The following DAB1 variants were observed in gnomAD, a reference collection of about 807,000 sequenced individuals.
DAB1 encodes DAB adaptor protein 1, also known as disabled homolog 1.
A neutral mutation model predicts 64.6 loss-of-function variants in DAB1; 15 were observed. That is an observed-to-expected ratio of 0.23 (90% CI 0.16 to 0.36). DAB1 has a LOEUF of 0.36. Ranked by LOEUF, DAB1 falls within the 10% of genes least tolerant of loss-of-function variation. The probability of loss-of-function intolerance (pLI) is 1.00; values close to 1 mark genes in which losing one functional copy is unlikely to be tolerated. For missense variants in DAB1, 596 were observed against 706.7 expected (o/e 0.84, Z 1.78); for synonymous variants, 235 against 251.9 (o/e 0.93, Z 0.64).
intron 5 of DAB1, among the ~76,000 whole-genome samples, chr1:58,039,734 C>A (rs1272638208): frequency 1.3e-5 from 2 of 152,060 alleles, no homozygotes; most frequent in East Asian, 3.9e-4. Context: ...GGTCAGAATG[C>A]CTGGGCCACC....
intron 1 of DAB1, among the ~76,000 whole-genome samples, chr1:57,298,448 T>C (rs993811242): frequency 6.6e-6 from 1 of 152,208 alleles, no homozygotes; most frequent in Non-Finnish European, 1.5e-5. Context: ...ATAGGACATA[T>C]TCCTAGCTTT....
intron 1 of DAB1, among the ~76,000 whole-genome samples, chr1:57,408,113 A>G (rs1228196330): frequency 6.6e-6 from 1 of 152,106 alleles, no homozygotes; most frequent in Non-Finnish European, 1.5e-5. Flanking sequence ...ACAGGGACTG[A>G]GAGAGGGAAC....
chr1:58,154,473 TTC>T (rs1655115640), intron 4 of DAB1, among the ~76,000 whole-genome samples: 1 of 152,256 alleles, frequency 6.6e-6, no homozygotes, highest in East Asian at 1.9e-4. Context: ...CATTCATTCA[TTC>T]ATTCATTCAT....
At chr1:57,033,569 C>G in intron 9 of DAB1, 1 of 1,612,076 alleles carries the variant, frequency 6.2e-7, no homozygotes, top group Non-Finnish European at 8.5e-7. Context: ...AAACGAATAG[C>G]CATTCTGAAA....
chr1:57,331,378 G>T (rs1237114457), intron 1 of DAB1, among the ~76,000 whole-genome samples: 1 of 152,146 alleles, frequency 6.6e-6, no homozygotes, highest in East Asian at 1.9e-4. Flanking sequence ...GCATAGAGAG[G>T]CTTAAAAACT....
intron 5 of DAB1, among the ~76,000 whole-genome samples, chr1:57,967,085 A>C (rs1645685668): frequency 6.6e-6 from 1 of 152,170 alleles, no homozygotes; most frequent in African/African-American, 2.4e-5. Context: ...GAATGTCAAG[A>C]GCTTTTAAAG....
chr1:58,305,301 T>G lies in DAB1; in HGVS notation n.309+38051A>C, dbSNP rs184183711. On this transcript the variant is annotated intron_variant and non_coding_transcript_variant, in intron 4 of 20. Coordinates refer to the DAB1 transcript ENST00000485760. ...ATGTAGGAAAGTCAAGAGGAGAAAA[T>G]ATCTCCCAGAATCACAGCACCCTAA... 1.3e-4 allele frequency among the ~76,000 whole-genome samples: 20 copies of G among 152,230 alleles called. 1 individual carries two copies. The East Asian group carries it at 3.3e-3, about 25-fold the overall frequency.
intron 3 of DAB1, chr1:58,415,309 C>T (rs1644709024): frequency 5.0e-6 from 1 of 201,436 alleles, no homozygotes; most frequent in Admixed American, 6.5e-5. Context: ...TGGCTTTAAG[C>T]CACCCAGACT....
chr1:58,213,760 T>C (rs1658691995), intron 4 of DAB1, among the ~76,000 whole-genome samples: 1 of 152,172 alleles, frequency 6.6e-6, no homozygotes, highest in Non-Finnish European at 1.5e-5. Context: ...GGATCTGTAG[T>C]CTACCACTTT....
chr1:57,430,350 T>G (rs1685453473), intron 7 of DAB1, among the ~76,000 whole-genome samples: 1 of 152,046 alleles, frequency 6.6e-6, no homozygotes, highest in South Asian at 2.1e-4. Flanking sequence ...AATGTTTCTA[T>G]GTACATAAAG....
chr1:57,262,620 T>A (rs1670267470), intron 2 of DAB1, among the ~76,000 whole-genome samples: 2 of 152,250 alleles, frequency 1.3e-5, no homozygotes, highest in African/African-American at 4.8e-5. Context: ...CGGAGTTCTT[T>A]GTGGGAAATT....
intron 1 of DAB1, among the ~76,000 whole-genome samples, chr1:57,840,810 A>G (rs1336971463): frequency 6.6e-6 from 1 of 152,184 alleles, no homozygotes; most frequent in African/African-American, 2.4e-5. Context: ...CACACATGAA[A>G]TTACAGTTCA....
intron 5 of DAB1, among the ~76,000 whole-genome samples, chr1:58,125,961 G>A (rs1368279983): frequency 4.6e-5 from 7 of 152,126 alleles, no homozygotes; most frequent in Non-Finnish European, 8.8e-5. Flanking sequence ...GGAGGAAGGA[G>A]AAGGGGACAG....
At chr1:58,467,426 C>A (rs1364839386) in intron 3 of DAB1, among the ~76,000 whole-genome samples, 1 of 152,202 alleles carries the variant, frequency 6.6e-6, no homozygotes, top group Non-Finnish European at 1.5e-5. Flanking sequence ...TCCCCGTTTT[C>A]TCTTCTCCTG....
At chr1:57,621,526 A>G (rs1222888981) in intron 7 of DAB1, among the ~76,000 whole-genome samples, 2 of 151,804 alleles carry the variant, frequency 1.3e-5, no homozygotes, top group Non-Finnish European at 2.9e-5. Context: ...TTTGGGGGAA[A>G]CTGAGGTTGT....
At chr1:58,396,123 G>A (rs1644519581) in intron 3 of DAB1, among the ~76,000 whole-genome samples, 1 of 151,914 alleles carries the variant, frequency 6.6e-6, no homozygotes, top group East Asian at 1.9e-4. Context: ...AAGAGGGCAG[G>A]GGAGGGAGGG....
At position 58,342,589 on chromosome 1, in the gene DAB1, G is replaced by A. The variant is rs140577409; in HGVS notation, n.309+763C>T. ...GATCACTGGACATTTCCACATGGAT[G>A]TCACGCTGACACCTCAAGCTCACTC... On this transcript the variant is annotated intron_variant and non_coding_transcript_variant, in intron 4 of 20. Transcript: ENST00000485760. Among the ~76,000 whole-genome samples, 537 of 152,154 alleles carry A rather than the reference G, an allele frequency of 3.5e-3. 3 individuals carry two copies. The highest frequency in any genetic ancestry group is 0.012 in the African/African-American group (508 of 41,544).
At chr1:57,576,974 A>C (rs1645257357) in intron 7 of DAB1, among the ~76,000 whole-genome samples, 1 of 152,154 alleles carries the variant, frequency 6.6e-6, no homozygotes, top group African/African-American at 2.4e-5. Context: ...ACCTGACTTG[A>C]AAGGGTTTAC....
rs564333992 is a variant in DAB1, at chr1:57,163,977, C to T, written c.68-18548G>A. On this transcript the variant is annotated intron_variant, in intron 2 of 14. Coordinates refer to ENST00000371236, the MANE Select transcript of DAB1 (RefSeq NM_001365792.1). ...AGAGAGAGCAATTTCCAAATGCCTG[C>T]TCTGCCAGTTTGGGTCCAGTCTTGA... is the stretch of plus-strand genomic sequence containing the variant. Among the ~76,000 whole-genome samples, 14 of 152,246 alleles carry T rather than the reference C, an allele frequency of 9.2e-5. No individual in the cohort carries two copies. In the East Asian group the frequency reaches 2.3e-3, roughly 25 times the overall value.
Sources: allele counts gnomAD v4.1 joint callset (sites outside exome capture counted in the v4.1 genomes callset), GRCh38; gene constraint gnomAD v4.1.1; transcripts MANE v1.5; gene names NCBI Gene and HGNC (gene_info 2026-07-23, HGNC 2026-07-21).